Variants in VPS13B observed in about 807,000 individuals in gnomAD.
VPS13B encodes intermembrane lipid transfer protein VPS13B.
VPS13B carries 285 observed loss-of-function variants against 426.4 expected under a neutral mutation model. That is an observed-to-expected ratio of 0.67 (90% CI 0.61 to 0.74). VPS13B has a LOEUF of 0.74. Ranked by LOEUF, VPS13B falls within the 30% of genes least tolerant of loss-of-function variation. The pLI, the probability that VPS13B is intolerant of heterozygous loss-of-function variation, is 0.00. For synonymous variants in VPS13B, 1,676 were observed against 1,676.4 expected (o/e 1.00, Z 0.01); for missense variants, 4,537 against 4,782.6 (o/e 0.95, Z 1.51).
intron 39 of VPS13B, among the ~76,000 whole-genome samples, chr8:99,758,512 T>C (rs747529816): frequency 3.9e-5 from 6 of 152,188 alleles, no homozygotes; most frequent in Non-Finnish European, 7.3e-5. Context: ...GGAGGTAGCA[T>C]TGTTATCTTT....
At chr8:99,059,422 C>A (rs1312407033) in intron 3 of VPS13B, among the ~76,000 whole-genome samples, 2 of 152,120 alleles carry the variant, frequency 1.3e-5, no homozygotes, top group Non-Finnish European at 2.9e-5. Flanking sequence ...GCTATTTTCC[C>A]ACCTTGGCCT....
intron 19 of VPS13B, among the ~76,000 whole-genome samples, chr8:99,335,022 C>A (rs996891897): frequency 5.3e-5 from 8 of 152,098 alleles, no homozygotes; most frequent in Admixed American, 2.6e-4. Flanking sequence ...TTGATTATTG[C>A]CACAATTTCA....
chr8:99,256,256 A>G (rs1817737857), intron 17 of VPS13B, among the ~76,000 whole-genome samples: 1 of 152,114 alleles, frequency 6.6e-6, no homozygotes, highest in African/African-American at 2.4e-5. Context: ...AAGGCTGACT[A>G]ATATTCTATT....
intron 31 of VPS13B, among the ~76,000 whole-genome samples, chr8:99,563,255 A>G (rs1231217085): frequency 6.6e-6 from 1 of 152,214 alleles, no homozygotes; most frequent in East Asian, 1.9e-4. Flanking sequence ...AAAATGAAAT[A>G]ATTTCTAATA....
At chr8:99,285,218 G>A (rs762921898) in intron 19 of VPS13B, among the ~76,000 whole-genome samples, 1 of 152,100 alleles carries the variant, frequency 6.6e-6, no homozygotes, top group Non-Finnish European at 1.5e-5. Flanking sequence ...TACCCTGGAC[G>A]CTATGATGTT....
intron 2 of VPS13B, among the ~76,000 whole-genome samples, chr8:99,028,531 CCCA>C (rs1253774765): frequency 1.2e-4 from 8 of 65,364 alleles, no homozygotes; most frequent in Non-Finnish European, 1.7e-4. Flanking sequence ...GACCCCCCCC[CCCA>C]CCTCCCTCCC....
At chr8:99,684,086 C>G (rs1282240084) in intron 35 of VPS13B, among the ~76,000 whole-genome samples, 7 of 152,072 alleles carry the variant, frequency 4.6e-5, no homozygotes, top group Admixed American at 3.9e-4. Flanking sequence ...TTGATAGTAT[C>G]TTTGTTATTG....
chr8:99,477,082 A>G (rs755727893), intron 24 of VPS13B, among the ~76,000 whole-genome samples: 7 of 152,160 alleles, frequency 4.6e-5, no homozygotes, highest in Non-Finnish European at 8.8e-5. Context: ...TTTAGGCTCT[A>G]TAAATACAAA....
At chr8:99,412,029 C>T (rs752744483) in intron 21 of VPS13B, among the ~76,000 whole-genome samples, 64 of 152,214 alleles carry the variant, frequency 4.2e-4, no homozygotes, top group Middle Eastern at 3.4e-3. Flanking sequence ...CTTGGCTATG[C>T]GGGCTCTTTT....
At chr8:99,090,071 A>G (rs11998168) in intron 3 of VPS13B, among the ~76,000 whole-genome samples, 7,488 of 152,118 alleles carry the variant, frequency 0.049, 210 homozygotes, top group African/African-American at 0.071. Context: ...CATAGCCTGA[A>G]GTAGTTTTTC....
Position 99,859,470 on chromosome 8 carries a change from C to T in VPS13B, c.11034C>T (p.His3678=), listed in dbSNP as rs1449788881. The T allele has an allele frequency of 1.2e-6, 2 of 1,613,678 alleles. No homozygotes were observed. The highest frequency in any genetic ancestry group is 1.1e-5 in the South Asian group (1 of 91,074). The change falls in exon 57 of 62, where the codon CAC becomes CAT. Residue 3678 remains histidine (H), a synonymous_variant. Coordinates refer to ENST00000357162, the MANE Select transcript of VPS13B (RefSeq NM_152564.5). ...GAGGGACCACATCGTTTGTAAAGCA[C>T]ATCTCCAAAGGTAGCGGGTTCCGTT... ...VSRGTTSFVK[H]ISKGTLTSIT...
chr8:99,263,823 A>G (rs1818170971), intron 17 of VPS13B, among the ~76,000 whole-genome samples: 1 of 152,120 alleles, frequency 6.6e-6, no homozygotes. Context: ...GCATATGAAC[A>G]TCTTTGGGGG....
chr8:99,572,089 A>G (rs1445122320), intron 31 of VPS13B, among the ~76,000 whole-genome samples: 7 of 152,224 alleles, frequency 4.6e-5, no homozygotes, highest in Admixed American at 3.3e-4. Context: ...ATTTTATGAT[A>G]TAAGGGAATA....
chr8:99,404,723 G>T (rs1337306689), intron 21 of VPS13B, among the ~76,000 whole-genome samples: 1 of 152,102 alleles, frequency 6.6e-6, no homozygotes, highest in Non-Finnish European at 1.5e-5. Flanking sequence ...AATTAGGAAG[G>T]TATAGTATAT....
At chr8:99,651,691 T>C (rs1180811735) in intron 34 of VPS13B, among the ~76,000 whole-genome samples, 1 of 152,176 alleles carries the variant, frequency 6.6e-6, no homozygotes, top group Non-Finnish European at 1.5e-5. Flanking sequence ...ATTTGTTTTG[T>C]TTAAGGTAAT....
chr8:99,136,603 G>A (rs1810082260), intron 11 of VPS13B, 62 bp from the exon 12 acceptor site: 1 of 1,540,118 alleles, frequency 6.5e-7, no homozygotes, highest in African/African-American at 1.4e-5. Flanking sequence ...AACCTATCAA[G>A]CTTTAAACTC....
chr8:99,263,409 G>A (rs1818149699), intron 17 of VPS13B, among the ~76,000 whole-genome samples: 1 of 152,132 alleles, frequency 6.6e-6, no homozygotes, highest in African/African-American at 2.4e-5. Flanking sequence ...TTAGTCCCTT[G>A]AAGCAACACA....
intron 35 of VPS13B, among the ~76,000 whole-genome samples, chr8:99,669,375 A>AT (rs1350110832): frequency 2.0e-5 from 3 of 151,968 alleles, no homozygotes; most frequent in Non-Finnish European, 4.4e-5. Flanking sequence ...GCTCTCTGGT[A>AT]TTTTTTTCAT....
chr8:99,875,941 C>A lies in VPS13B; in HGVS notation c.*275C>A. 1 of 479,824 alleles carries A rather than the reference C, an allele frequency of 2.1e-6. No homozygotes were observed. The highest frequency in any genetic ancestry group is 3.8e-6 in the Non-Finnish European group (1 of 264,796). 29.7% of individuals were successfully genotyped at this position (479,824 alleles called of 1,614,324 possible). A position where few individuals can be genotyped will look rare whatever the true frequency, so the allele number is the denominator to read the frequency against. On this transcript the variant is annotated 3_prime_UTR_variant, in exon 62 of 62. Transcript: ENST00000357162. ...ACAGTTTCCTTATTTACATCCTTACCTCTAAAAGATACTTCAAAGTGACAA... is the reference window on the plus strand; with the variant it reads ...ACAGTTTCCTTATTTACATCCTTACATCTAAAAGATACTTCAAAGTGACAA...
Sources: gnomAD v4.1 joint callset for allele counts (sites outside exome capture counted in the v4.1 genomes callset) on GRCh38, gnomAD v4.1.1 for gene constraint, MANE v1.5 for transcripts, NCBI Gene and HGNC (gene_info 2026-07-23, HGNC 2026-07-21) for gene names.